Variants in EPB41L5 observed in about 807,000 individuals in gnomAD.
The protein encoded by EPB41L5 is erythrocyte membrane protein band 4.1 like 5.
In EPB41L5, 55 loss-of-function variants were observed where a neutral mutation model predicts 106.6. That is an observed-to-expected ratio of 0.52 (90% CI 0.42 to 0.65). The LOEUF (loss-of-function observed/expected upper bound fraction) is 0.65. EPB41L5 is among the 30% of genes least tolerant of loss of function. EPB41L5 has a pLI of 0.00. For synonymous variants in EPB41L5, 297 were observed against 306.7 expected, an observed-to-expected ratio of 0.97 and a Z score of 0.33; for missense variants, 871 against 882.1, an observed-to-expected ratio of 0.99 and a Z score of 0.16.
chr2:120,129,069 A>G (rs931899343), intron 17 of EPB41L5, among the ~76,000 whole-genome samples: 2 of 152,154 alleles, frequency 1.3e-5, no homozygotes, highest in Admixed American at 6.5e-5. Context: ...AAAACTTCCT[A>G]TTGGGTGCTG....
At chr2:120,032,967 T>A (rs537319310) in intron 2 of EPB41L5, among the ~76,000 whole-genome samples, 7 of 152,334 alleles carry the variant, frequency 4.6e-5, no homozygotes, top group African/African-American at 1.7e-4. Flanking sequence ...GTCAAAAATG[T>A]TTTTTTCCTG....
At chr2:120,079,941 C>T (rs1312255357) in intron 10 of EPB41L5, among the ~76,000 whole-genome samples, 5 of 152,118 alleles carry the variant, frequency 3.3e-5, no homozygotes, top group South Asian at 2.1e-4. Flanking sequence ...TCCCTGCCCC[C>T]GCTAACTGCC....
At chr2:120,128,814 AT>A (rs773834594) in intron 17 of EPB41L5, among the ~76,000 whole-genome samples, 2 of 145,618 alleles carry the variant, frequency 1.4e-5, no homozygotes, top group Non-Finnish European at 3.1e-5. Flanking sequence ...AGTAATTTTG[AT>A]TTTTTAAGGT....
chr2:120,047,735 G>A (rs894110442), intron 3 of EPB41L5, among the ~76,000 whole-genome samples: 2 of 152,114 alleles, frequency 1.3e-5, no homozygotes, highest in Non-Finnish European at 2.9e-5. Flanking sequence ...TCCCTGTCTT[G>A]TGCCAGTTTT....
intron 2 of EPB41L5, among the ~76,000 whole-genome samples, chr2:120,021,472 G>A (rs1448413790): frequency 4.6e-5 from 7 of 151,686 alleles, no homozygotes; most frequent in African/African-American, 1.7e-4. Flanking sequence ...GTGAAACCCC[G>A]TCTCTACTAA....
chr2:120,131,916 A>G (rs1574728830), intron 18 of EPB41L5, among the ~76,000 whole-genome samples: 1 of 152,168 alleles, frequency 6.6e-6, no homozygotes, highest in East Asian at 1.9e-4. Context: ...AGCAAAGTGA[A>G]TTGTAAGGTG....
At chr2:120,053,688 T>C (rs1002705365) in intron 3 of EPB41L5, among the ~76,000 whole-genome samples, 4 of 152,192 alleles carry the variant, frequency 2.6e-5, no homozygotes, top group Non-Finnish European at 4.4e-5. Context: ...CTGAATAATA[T>C]TCTATTGTAT....
At chr2:120,014,072 G>C (rs189571302) in intron 1 of EPB41L5, among the ~76,000 whole-genome samples, 16 of 152,262 alleles carry the variant, frequency 1.1e-4, no homozygotes, top group Admixed American at 8.5e-4. Context: ...TGAATTACTC[G>C]CTTGCATTTT....
At chr2:120,163,473 G>A (rs1687232604) in intron 21 of EPB41L5, among the ~76,000 whole-genome samples, 1 of 151,928 alleles carries the variant, frequency 6.6e-6, no homozygotes, top group African/African-American at 2.4e-5. Context: ...ACATTTATAG[G>A]GAGAGAGTTC....
At chr2:120,171,972 C>A (rs921787082) in intron 24 of EPB41L5, among the ~76,000 whole-genome samples, 1 of 147,176 alleles carries the variant, frequency 6.8e-6, no homozygotes, top group Admixed American at 6.8e-5. Context: ...GAATTTAGAG[C>A]GAAGATACTG....
intron 20 of EPB41L5, among the ~76,000 whole-genome samples, chr2:120,153,829 T>G (rs1327654630): frequency 1.3e-5 from 2 of 152,242 alleles, no homozygotes; most frequent in Non-Finnish European, 2.9e-5. Context: ...GTCTTTTGGT[T>G]ACTATTTGCA....
chr2:120,097,527 A>G (rs902772262), intron 14 of EPB41L5, among the ~76,000 whole-genome samples: 1 of 152,222 alleles, frequency 6.6e-6, no homozygotes, highest in African/African-American at 2.4e-5. Context: ...TTGGCTCTTA[A>G]CTATTCTTGT....
At chr2:120,163,704 C>T (rs560899845) in intron 21 of EPB41L5, among the ~76,000 whole-genome samples, 2 of 151,352 alleles carry the variant, frequency 1.3e-5, no homozygotes, top group African/African-American at 2.4e-5. Context: ...CCTGTAATCC[C>T]GGTGCTTTGG....
Position 120,058,767 on chromosome 2 carries a change from G to GT in EPB41L5, c.286-14409dup, listed in dbSNP as rs1316647003. 2.0e-5 allele frequency among the ~76,000 whole-genome samples: 3 copies of GT among 152,258 alleles called. No individual in the cohort carries two copies. In the East Asian group the frequency reaches 5.8e-4, roughly 29 times the overall value. Reference sequence around the variant, plus strand: ...CTAAATTGTCTATTTTTAAAAAGTTGTTAAACATATTTTTAAAAATAGCGT... The same window carrying GT: ...CTAAATTGTCTATTTTTAAAAAGTTGTTTAAACATATTTTTAAAAATAGCGT... On this transcript the variant is annotated intron_variant, in intron 3 of 24. Coordinates refer to ENST00000263713, the MANE Select transcript of EPB41L5 (RefSeq NM_020909.4).
chr2:120,054,739 C>T (rs1159932148), intron 3 of EPB41L5, among the ~76,000 whole-genome samples: 1 of 152,016 alleles, frequency 6.6e-6, no homozygotes, highest in African/African-American at 2.4e-5. Flanking sequence ...ATCCTAACAC[C>T]ACTTGTTAAA....
chr2:120,015,109 G>A (rs113593517), intron 1 of EPB41L5, among the ~76,000 whole-genome samples: 9,435 of 151,038 alleles, frequency 0.062, 409 homozygotes, highest in South Asian at 0.1. Flanking sequence ...GGATCACGAG[G>A]TCAGGAGATG....
intron 14 of EPB41L5, among the ~76,000 whole-genome samples, chr2:120,099,924 T>A (rs1684030367): frequency 6.6e-6 from 1 of 152,218 alleles, no homozygotes; most frequent in Admixed American, 6.5e-5. Context: ...TGTGTTGCTG[T>A]CTTTGTTAGG....
chr2:120,090,653 A>G, intron 12 of EPB41L5, 137 bp downstream of exon 12: 1 of 664,198 alleles, frequency 1.5e-6, no homozygotes, highest in Non-Finnish European at 2.5e-6. Context: ...CCATTGGCCA[A>G]AATAAAATAG....
chr2:120,121,495 C>T (rs1685214609), intron 16 of EPB41L5, among the ~76,000 whole-genome samples: 1 of 152,172 alleles, frequency 6.6e-6, no homozygotes, highest in African/African-American at 2.4e-5. Flanking sequence ...ATGATGGTTT[C>T]CAGCTTCATC....
Sources: allele counts gnomAD v4.1 joint callset (sites outside exome capture counted in the v4.1 genomes callset), GRCh38; gene constraint gnomAD v4.1.1; transcripts MANE v1.5; gene names NCBI Gene and HGNC (gene_info 2026-07-23, HGNC 2026-07-21).